EFNA5: variants seen among roughly 807,000 people sequenced by gnomAD.
EFNA5 encodes the protein ephrin A5, also known as ephrin-A5.
Under a neutral mutation model 22.9 loss-of-function variants are expected in EFNA5, and 5 were observed. The observed-to-expected ratio is 0.22, with a 90% confidence interval of 0.11 to 0.46. EFNA5 has a LOEUF of 0.46. Among genes scored for constraint, EFNA5 ranks in the 20% least tolerant of loss-of-function variants. The probability of loss-of-function intolerance (pLI) is 0.99; values close to 1 mark genes in which losing one functional copy is unlikely to be tolerated. For missense variants in EFNA5, 237 were observed against 293.3 expected, an observed-to-expected ratio of 0.81 and a Z score of 1.40; for synonymous variants, 113 against 112.2, an observed-to-expected ratio of 1.01 and a Z score of -0.04.
rs147571548 is a variant in EFNA5, at chr5:107,531,318, G to A, written c.126-103809C>T. Reference sequence around the variant, plus strand: ...TAACCAATGCTGTACATTTTAACTCGTATAGCCAGACCACGTACTTACTGC... The same window carrying A: ...TAACCAATGCTGTACATTTTAACTCATATAGCCAGACCACGTACTTACTGC... On this transcript the variant is annotated intron_variant, in intron 1 of 4. Transcript: ENST00000333274. 1.6e-4 allele frequency among the ~76,000 whole-genome samples: 25 copies of A among 152,250 alleles called. No homozygotes were observed. The South Asian group carries it at 2.5e-3, about 15-fold the overall frequency.
chr5:107,583,953 C>A (rs1749123220), intron 1 of EFNA5, among the ~76,000 whole-genome samples: 1 of 152,140 alleles, frequency 6.6e-6, no homozygotes, highest in Non-Finnish European at 1.5e-5. Context: ...TTAATCTACA[C>A]CTCAGAGCAA....
chr5:107,481,031 G>A (rs565827271), intron 1 of EFNA5, among the ~76,000 whole-genome samples: 2 of 152,298 alleles, frequency 1.3e-5, no homozygotes, highest in South Asian at 4.1e-4. Context: ...AATTTACTGA[G>A]CTCCTATTAC....
intron 1 of EFNA5, among the ~76,000 whole-genome samples, chr5:107,558,474 GAAGA>G (rs1297698765): frequency 6.6e-6 from 1 of 152,076 alleles, no homozygotes; most frequent in African/African-American, 2.4e-5. Flanking sequence ...TTACAGAGCT[GAAGA>G]AAGAGAATAT....
intron 1 of EFNA5, among the ~76,000 whole-genome samples, chr5:107,477,082 A>G (rs1030569572): frequency 6.6e-6 from 1 of 152,186 alleles, no homozygotes; most frequent in East Asian, 1.9e-4. Flanking sequence ...TGGCAACTCA[A>G]CACGAAAGCC....
chr5:107,654,818 C>G (rs1232757676), intron 1 of EFNA5, among the ~76,000 whole-genome samples: 1 of 152,058 alleles, frequency 6.6e-6, no homozygotes, highest in East Asian at 1.9e-4. Context: ...AGGTGATGCA[C>G]CAGGATTAGC....
intron 2 of EFNA5, among the ~76,000 whole-genome samples, chr5:107,402,313 T>A (rs2112390552): frequency 6.6e-6 from 1 of 152,356 alleles, no homozygotes; most frequent in South Asian, 2.1e-4. Context: ...TGTATATATG[T>A]CTGTAAGGCT....
chr5:107,429,431 G>A (rs1156737982), intron 1 of EFNA5, among the ~76,000 whole-genome samples: 3 of 152,222 alleles, frequency 2.0e-5, no homozygotes, highest in South Asian at 2.1e-4. Flanking sequence ...GGGTGACAGA[G>A]TGAGACTCGG....
At chr5:107,499,127 A>T (rs1747071845) in intron 1 of EFNA5, among the ~76,000 whole-genome samples, 1 of 152,200 alleles carries the variant, frequency 6.6e-6, no homozygotes, top group South Asian at 2.1e-4. Context: ...AGTCATTCTA[A>T]ATCGAAAGAC....
intron 1 of EFNA5, among the ~76,000 whole-genome samples, chr5:107,437,859 G>C (rs1749157163): frequency 6.6e-6 from 1 of 152,048 alleles, no homozygotes; most frequent in Admixed American, 6.6e-5. Context: ...ATAATGGCAG[G>C]CTGCAAAAAA....
In EFNA5 at chr5:107,595,188, G is replaced by T. The variant is rs144640362; in HGVS notation, c.125+75301C>A. Among the ~76,000 whole-genome samples the T allele has an allele frequency of 1.9e-3, 294 of 151,994 alleles. 1 individual carries two copies. The highest frequency in any genetic ancestry group is 6.8e-3 in the African/African-American group (283 of 41,444). ...ACAGTTGGGTCGGTTTGAGAATATGGTAATAAGTATAACCTTTAGAATGAA... is the reference window on the plus strand; with the variant it reads ...ACAGTTGGGTCGGTTTGAGAATATGTTAATAAGTATAACCTTTAGAATGAA... On this transcript the variant is annotated intron_variant, in intron 1 of 4. Transcript: ENST00000333274.
At chr5:107,424,381 A>G (rs998299926) in intron 2 of EFNA5, among the ~76,000 whole-genome samples, 3 of 125,860 alleles carry the variant, frequency 2.4e-5, no homozygotes, top group Non-Finnish European at 5.2e-5. Context: ...TAATTTTTGT[A>G]TTTTTTTTTT....
chr5:107,433,445 C>T (rs974218102), intron 1 of EFNA5, among the ~76,000 whole-genome samples: 3 of 152,098 alleles, frequency 2.0e-5, no homozygotes, highest in Non-Finnish European at 4.4e-5. Context: ...ATAAAAAGCA[C>T]GTATCTAGGG....
intron 2 of EFNA5, chr5:107,426,973 C>A: frequency 5.0e-6 from 2 of 399,884 alleles, no homozygotes; most frequent in South Asian, 5.1e-5. Flanking sequence ...AAAAAAAATA[C>A]AAGTCAGCAG....
At chr5:107,491,158 G>A (rs765084041) in intron 1 of EFNA5, among the ~76,000 whole-genome samples, 2 of 152,186 alleles carry the variant, frequency 1.3e-5, no homozygotes, top group African/African-American at 2.4e-5. Context: ...CAGGACATAG[G>A]CTTGCTTTTC....
At chr5:107,615,144 C>CT (rs1248776347) in intron 1 of EFNA5, among the ~76,000 whole-genome samples, 1 of 151,902 alleles carries the variant, frequency 6.6e-6, no homozygotes, top group African/African-American at 2.4e-5. Flanking sequence ...TCTCTTCCAC[C>CT]TTTAAAAAAA....
At chr5:107,517,684 C>T (rs374612341) in intron 1 of EFNA5, among the ~76,000 whole-genome samples, 2 of 152,154 alleles carry the variant, frequency 1.3e-5, no homozygotes, top group East Asian at 3.8e-4. Context: ...TGTGACAAGT[C>T]ATATTACAAG....
chr5:107,630,082 C>T (rs763753539), intron 1 of EFNA5, among the ~76,000 whole-genome samples: 43 of 151,282 alleles, frequency 2.8e-4, no homozygotes, highest in Admixed American at 2.8e-3. Flanking sequence ...AAAAAAATTA[C>T]GAGATTGTTT....
chr5:107,539,179 A>G (rs1220267472), intron 1 of EFNA5, among the ~76,000 whole-genome samples: 4 of 152,232 alleles, frequency 2.6e-5, no homozygotes, highest in African/African-American at 9.6e-5. Flanking sequence ...ATCATGCCCT[A>G]CATGCCTGGA....
In EFNA5 at chr5:107,380,799, G is replaced by T; in HGVS notation, c.*456C>A. 1 of 402,702 alleles carries T rather than the reference G, an allele frequency of 2.5e-6. No individual in the cohort carries two copies. Among genetic ancestry groups the T allele is most frequent in the Non-Finnish European group, 4.4e-6 (1 of 228,286 alleles). The allele number at this position is 402,702 out of a possible 1,614,324, so 24.9% of individuals were successfully genotyped here. A position where few individuals can be genotyped will look rare whatever the true frequency, so the allele number is the denominator to read the frequency against. On this transcript the variant is annotated 3_prime_UTR_variant, in exon 5 of 5. Transcript: ENST00000333274. The stretch of plus-strand genomic sequence containing the variant: ...CCCTGCGCGATCATCTTACAGTTCT[G>T]AATGAGAAGGCATAAATATTGCATA...
Sources: allele counts gnomAD v4.1 joint callset (sites outside exome capture counted in the v4.1 genomes callset), GRCh38; gene constraint gnomAD v4.1.1; transcripts MANE v1.5; gene names NCBI Gene and HGNC (gene_info 2026-07-23, HGNC 2026-07-21).